TOMM40: variants seen among roughly 807,000 people sequenced by gnomAD.
TOMM40 encodes translocase of outer mitochondrial membrane 40.
Under a neutral mutation model 38.4 loss-of-function variants are expected in TOMM40, and 9 were observed. That is an observed-to-expected ratio of 0.23 (90% CI 0.14 to 0.41). The LOEUF (loss-of-function observed/expected upper bound fraction) is 0.41. Ranked by LOEUF, TOMM40 falls within the 10% of genes least tolerant of loss-of-function variation. The pLI is 1.00. For synonymous variants in TOMM40, 184 were observed against 210.0 expected (o/e 0.88, Z 1.07); for missense variants, 299 against 486.5 (o/e 0.61, Z 3.63).
chr19:44,898,511 C>CTTTTTTTTTTTTTTGTTTT (rs34896370), intron 5 of TOMM40, among the ~76,000 whole-genome samples: 1 of 98,536 alleles, frequency 1.0e-5, no homozygotes. Flanking sequence ...TGTGTTGTTT[C>CTTTTTTTTTTTTTTGTTTT]TTTTTTTTTT....
At position 44,892,919 on chromosome 19, in the gene TOMM40, G is replaced by C. The variant is rs777739537; in HGVS notation, c.425G>C (p.Ser142Thr). The C allele has an allele frequency of 6.2e-7, 1 of 1,613,302 alleles. No individual in the cohort carries two copies. The change falls in exon 3 of 9, where the codon AGT becomes ACT. Residue 142 changes from serine to threonine, a missense_variant. By Grantham distance (58) the Ser-to-Thr change is moderately conservative. Coordinates refer to ENST00000426677, the MANE Select transcript of TOMM40 (RefSeq NM_001128917.2). ...ACATATGTGGGGACAAAGCAGCTGA[G>C]TCCCACAGAGGTGAGCTTCCTTTTT... The part of the protein sequence containing the change: ...GVTYVGTKQL[S>T]PTEAFPVLVG...
rs1969677214 is a variant in TOMM40 at position 44,901,267 on chromosome 19, C to T, written c.903C>T (p.Phe301=). Residue 301 remains phenylalanine (F), a synonymous_variant, in exon 8 of 9, where the codon TTC becomes TTT. Coordinates refer to ENST00000426677, the MANE Select transcript of TOMM40 (RefSeq NM_001128917.2). ...GGATGCAGGACACCAGCGTCTCCTT[C>T]GGGTACCAGCTGGACCTGCCCAAGG... is the stretch of plus-strand genomic sequence containing the variant. The part of the protein sequence containing the change: ...STRMQDTSVS[F]GYQLDLPKAN... The T allele has an allele frequency of 9.9e-6, 16 of 1,614,080 alleles. No individual in the cohort carries two copies. The highest frequency in any genetic ancestry group is 7.7e-5 in the South Asian group (7 of 91,058).
chr19:44,892,561 C>T (rs767550346), intron 2 of TOMM40, 101 bp downstream of exon 2: 1 of 1,123,638 alleles, frequency 8.9e-7, no homozygotes, highest in Non-Finnish European at 1.3e-6. Flanking sequence ...AAGAGCTGGG[C>T]TCCCTGATAC....
intron 5 of TOMM40, among the ~76,000 whole-genome samples, chr19:44,895,116 C>G (rs1178772101): frequency 1.3e-5 from 2 of 152,134 alleles, no homozygotes; most frequent in African/African-American, 4.8e-5. Flanking sequence ...GGAGAGCAGG[C>G]TCTTGAGCGC....
rs1288058185 is a variant in TOMM40, at chr19:44,893,891, G to A, written c.537+10G>A. On this transcript the variant is annotated intron_variant, in intron 4 of 8. Transcript: ENST00000426677. Reference sequence around the variant, plus strand: ...CAAGATGGCCATCCAGGTGAGTGGGGCACGGAGGCTGCTGCTCCCCTCGGC... The same window carrying A: ...CAAGATGGCCATCCAGGTGAGTGGGACACGGAGGCTGCTGCTCCCCTCGGC... 6.2e-7 allele frequency: 1 copy of A among 1,611,692 alleles called. No homozygotes were observed. Among genetic ancestry groups the A allele is most frequent in the Non-Finnish European group, 8.5e-7 (1 of 1,179,562 alleles).
Position 44,891,559 on chromosome 19 carries a change from C to T in TOMM40, c.144C>T (p.Thr48=), listed in dbSNP as rs1248554941. Residue 48 remains threonine, a synonymous_variant, in exon 1 of 9, where the codon ACC becomes ACT. Coordinates refer to ENST00000426677, the MANE Select transcript of TOMM40 (RefSeq NM_001128917.2). The part of the protein sequence containing the change: ...PPLGGSLGAG[T]STSRSSERTP... ...TGGGAGGCAGCCTGGGCGCCGGCACCAGTACGAGTCGAAGTTCGGAACGGA... is the reference window on the plus strand; with the variant it reads ...TGGGAGGCAGCCTGGGCGCCGGCACTAGTACGAGTCGAAGTTCGGAACGGA... The T allele has an allele frequency of 1.1e-5, 16 of 1,436,918 alleles. No homozygotes were observed. Among genetic ancestry groups the T allele is most frequent in the Non-Finnish European group, 1.5e-5 (16 of 1,094,364 alleles). The allele number at this position is 1,436,918 out of a possible 1,614,324, so 89.0% of individuals were successfully genotyped here.
intron 5 of TOMM40, among the ~76,000 whole-genome samples, chr19:44,894,559 G>A (rs974784237): frequency 2.6e-5 from 4 of 152,154 alleles, no homozygotes; most frequent in Non-Finnish European, 5.9e-5. Context: ...ACCACGCCCA[G>A]CCAGTCAGCG....
intron 5 of TOMM40, among the ~76,000 whole-genome samples, chr19:44,896,457 A>T (rs1285893843): frequency 6.6e-6 from 1 of 152,186 alleles, no homozygotes; most frequent in African/African-American, 2.4e-5. Context: ...CGGCCTCAGC[A>T]CTGGGCCACA....
rs1490544802 is a variant in TOMM40, at chr19:44,903,338, T to C, written c.*169T>C. ...ACCCCAGCAGCTGAGGAGGGGATTCTGGAACTGAATGGCGCTTCGGGATTC... is the reference window on the plus strand; with the variant it reads ...ACCCCAGCAGCTGAGGAGGGGATTCCGGAACTGAATGGCGCTTCGGGATTC... On this transcript the variant is annotated 3_prime_UTR_variant, in exon 9 of 9. Coordinates refer to ENST00000426677, the MANE Select transcript of TOMM40 (RefSeq NM_001128917.2). 3 of 667,820 alleles carry C rather than the reference T, an allele frequency of 4.5e-6. No homozygotes were observed. Among genetic ancestry groups the C allele is most frequent in the South Asian group, 2.1e-5 (1 of 48,212 alleles). 41.4% of individuals were successfully genotyped at this position (667,820 alleles called of 1,614,324 possible). A position where few individuals can be genotyped will look rare whatever the true frequency, so the allele number is the denominator to read the frequency against.
At chr19:44,902,264 G>C (rs1305062) in intron 8 of TOMM40, 60,251 of 152,032 alleles carry the variant, frequency 0.4, 12,156 homozygotes, top group Non-Finnish European at 0.41. Context: ...GTGCAGCAGT[G>C]CAACTGCGGC....
chr19:44,900,586 G>A (rs1599944261), intron 5 of TOMM40, 144 bp from the exon 6 acceptor site: 25 of 1,483,684 alleles, frequency 1.7e-5, no homozygotes, highest in South Asian at 3.7e-5. Flanking sequence ...ACCCCTGGGC[G>A]ATGGGTTAGG....
At chr19:44,898,129 G>T (rs956615104) in intron 5 of TOMM40, among the ~76,000 whole-genome samples, 1 of 152,084 alleles carries the variant, frequency 6.6e-6, no homozygotes, top group African/African-American at 2.4e-5. Context: ...CATCTTGGGG[G>T]TTGCCGCCTA....
At chr19:44,893,694 C>A in intron 3 of TOMM40, 86 bp from the exon 4 acceptor site, 1 of 1,164,262 alleles carries the variant, frequency 8.6e-7, no homozygotes, top group Non-Finnish European at 1.2e-6. Flanking sequence ...CCGAGGCTTT[C>A]TGACCCTAGG....
At chr19:44,899,173 C>G (rs1360468442) in intron 5 of TOMM40, among the ~76,000 whole-genome samples, 1 of 150,262 alleles carries the variant, frequency 6.7e-6, no homozygotes, top group Non-Finnish European at 1.5e-5. Flanking sequence ...TTTTTTGAAA[C>G]AGGATCTCTG....
intron 5 of TOMM40, among the ~76,000 whole-genome samples, chr19:44,896,844 C>T (rs780898881): frequency 3.9e-5 from 6 of 152,096 alleles, no homozygotes; most frequent in South Asian, 2.1e-4. Flanking sequence ...CGCTTGAGAT[C>T]GGGAGTTCAA....
chr19:44,903,251 C>G lies in TOMM40; in HGVS notation c.*82C>G, dbSNP rs961673211. The G allele has an allele frequency of 1.8e-5, 26 of 1,407,370 alleles. No homozygotes were observed. The Middle Eastern group carries it at 1.0e-3, about 57-fold the overall frequency. The allele number at this position is 1,407,370 out of a possible 1,614,324, so 87.2% of individuals were successfully genotyped here. Reference sequence around the variant, plus strand: ...CCCTGCCACAGAGGGGAGACCTGAGCCCCCCTCCCTTCCCTCCCCCCTTGG... The same window carrying G: ...CCCTGCCACAGAGGGGAGACCTGAGGCCCCCTCCCTTCCCTCCCCCCTTGG... On this transcript the variant is annotated 3_prime_UTR_variant, in exon 9 of 9. Transcript: ENST00000426677.
rs750200030 is a variant in TOMM40, at chr19:44,903,204, T to TTCCACC, written c.*51_*56dup. The TTCCACC allele has an allele frequency of 1.1e-5, 18 of 1,578,480 alleles. No homozygotes were observed. Among genetic ancestry groups the TTCCACC allele is most frequent in the South Asian group, 6.9e-5 (6 of 86,470 alleles). On this transcript the variant is annotated 3_prime_UTR_variant, in exon 9 of 9. Transcript: ENST00000426677. ...GCCCCCGCCTTCCACGCCCTTCCGA[T>TTCCACC]TCCACCTCCACCTCCACCTCCCCCT... is the stretch of plus-strand genomic sequence containing the variant.
At chr19:44,893,742 C>A in intron 3 of TOMM40, 38 bp from the exon 4 acceptor site, 1 of 1,576,040 alleles carries the variant, frequency 6.3e-7, no homozygotes, top group Non-Finnish European at 8.7e-7. Context: ...TTGCACAGTG[C>A]ACCACCTCTG....
In TOMM40 at chr19:44,903,197, CTTCCGA is replaced by C; in HGVS notation, c.*33_*38del. The C allele has an allele frequency of 6.3e-7, 1 of 1,585,022 alleles. No homozygotes were observed. On this transcript the variant is annotated 3_prime_UTR_variant, in exon 9 of 9. Transcript: ENST00000426677. ...CCTCCTGGCCCCCGCCTTCCACGCC[CTTCCGA>C]TTCCACCTCCACCTCCACCTCCCCC...
Sources: gnomAD v4.1 joint callset for allele counts (sites outside exome capture counted in the v4.1 genomes callset) on GRCh38, gnomAD v4.1.1 for gene constraint, MANE v1.5 for transcripts, NCBI Gene and HGNC (gene_info 2026-07-23, HGNC 2026-07-21) for gene names.